Variants in DISP1 observed in about 807,000 individuals in gnomAD.
DISP1 encodes the protein protein dispatched homolog 1.
Under a neutral mutation model 37.3 loss-of-function variants are expected in DISP1, and 30 were observed. The observed-to-expected ratio is 0.80, with a 90% CI of 0.60 to 1.09. The LOEUF (loss-of-function observed/expected upper bound fraction) is 1.09. DISP1 is among the 50% of genes least tolerant of loss of function. The pLI is 0.00. For missense variants in DISP1, 1,598 were observed against 1,879.5 expected, an observed-to-expected ratio of 0.85 and a Z score of 2.77; for synonymous variants, 634 against 690.2, an observed-to-expected ratio of 0.92 and a Z score of 1.28.
intron 3 of DISP1, among the ~76,000 whole-genome samples, chr1:222,945,014 C>CA (rs5781292): frequency 1.2e-3 from 181 of 147,178 alleles, no homozygotes; most frequent in Admixed American, 2.7e-3. Context: ...TCTGTATCTA[C>CA]AAAAAAAAAA....
At chr1:222,957,570 C>A (rs552456630) in intron 3 of DISP1, among the ~76,000 whole-genome samples, 11 of 152,108 alleles carry the variant, frequency 7.2e-5, no homozygotes, top group Non-Finnish European at 1.6e-4. Context: ...GCCTGGGTGA[C>A]AGAATGAGAC....
At chr1:222,977,125 G>C (rs1290492281) in intron 3 of DISP1, among the ~76,000 whole-genome samples, 3 of 152,106 alleles carry the variant, frequency 2.0e-5, no homozygotes, top group Non-Finnish European at 4.4e-5. Flanking sequence ...CGCCTCCCAG[G>C]TTCAAGCGAT....
At chr1:222,879,892 G>T (rs1214328472) in intron 1 of DISP1, among the ~76,000 whole-genome samples, 2 of 152,022 alleles carry the variant, frequency 1.3e-5, no homozygotes, top group East Asian at 3.9e-4. Context: ...GTTGAAATGA[G>T]CATTCATACA....
rs1674497742 is a variant in DISP1 at position 222,943,007 on chromosome 1, G to A, written c.184G>A (p.Val62Ile). The A allele has an allele frequency of 6.2e-7, 1 of 1,614,186 alleles. No homozygotes were observed. The highest frequency in any genetic ancestry group is 8.5e-7 in the Non-Finnish European group (1 of 1,180,042). Residue 62 changes from valine (V) to isoleucine (I), a missense_variant, in exon 3 of 9, where the codon GTC becomes ATC. By Grantham distance (29) the Val-to-Ile change is conservative (BLOSUM62 3). Coordinates refer to ENST00000675850, the MANE Select transcript of DISP1 (RefSeq NM_001377229.1). ...TGGATGCCTGCAACTTAATGGCACG[G>A]TCAAATCATCCTTTCTGCCTTTAGA... The part of the protein sequence containing the change: ...PNGCLQLNGT[V>I]KSSFLPLDNQ...
At chr1:222,974,808 A>T (rs74556939) in intron 3 of DISP1, among the ~76,000 whole-genome samples, 3,656 of 152,262 alleles carry the variant, frequency 0.024, 134 homozygotes, top group African/African-American at 0.083. Flanking sequence ...TGTGCCAGTG[A>T]TGTTTCATGG....
At chr1:222,966,453 A>ATC (rs1178351661) in intron 3 of DISP1, among the ~76,000 whole-genome samples, 1 of 152,184 alleles carries the variant, frequency 6.6e-6, no homozygotes, top group Non-Finnish European at 1.5e-5. Context: ...AATCAATTAA[A>ATC]TCTCATCTAG....
At chr1:222,981,767 T>C (rs1035148529) in intron 3 of DISP1, among the ~76,000 whole-genome samples, 3 of 152,202 alleles carry the variant, frequency 2.0e-5, no homozygotes, top group African/African-American at 7.2e-5. Context: ...TTTTACATTT[T>C]GTTTTGTTTC....
At chr1:222,936,950 CATATT>C (rs1375379016) in intron 2 of DISP1, among the ~76,000 whole-genome samples, 1 of 47,884 alleles carries the variant, frequency 2.1e-5, no homozygotes, top group African/African-American at 6.8e-5. Flanking sequence ...TTATATATTA[CATATT>C]ATATTATTTA....
Position 223,004,625 on chromosome 1 carries a change from G to C in DISP1, c.3228G>C (p.Leu1076=), listed in dbSNP as rs147982989. The part of the protein sequence containing the change: ...PDREGKVIFS[L]SRVGSAMAMA... ...GAGAAGGCAAAGTGATCTTCTCTCT[G>C]AGTCGCGTGGGCTCTGCGATGGCCA... is the stretch of plus-strand genomic sequence containing the variant. Residue 1076 remains leucine (L), a synonymous_variant, in exon 9 of 9, where the codon CTG becomes CTC. Transcript: ENST00000675850. The surrounding 1 kb of genome is among the most constrained non-coding windows in gnomAD (Gnocchi z 4.9). The C allele has an allele frequency of 2.0e-4, 328 of 1,613,890 alleles. No individual in the cohort carries two copies. The highest frequency in any genetic ancestry group is 2.7e-4 in the Non-Finnish European group (313 of 1,179,920).
chr1:222,936,718 CAT>C lies in DISP1; in HGVS notation c.-17-6082_-17-6081del, dbSNP rs1491346797. Reference sequence around the variant, plus strand: ...GATATATATCATATATATTATATATCATATATATGATATATAAAAATTATATA... The same window carrying C: ...GATATATATCATATATATTATATATCATATATGATATATAAAAATTATATA... On this transcript the variant is annotated intron_variant, in intron 2 of 8. Coordinates refer to ENST00000675850, the MANE Select transcript of DISP1 (RefSeq NM_001377229.1). Among the ~76,000 whole-genome samples the C allele has an allele frequency of 1.9e-3, 181 of 94,742 alleles. 2 individuals are homozygous for C. Among genetic ancestry groups the C allele is most frequent in the African/African-American group, 7.5e-3 (173 of 23,066 alleles). 62.2% of individuals were successfully genotyped at this position (94,742 alleles called of 152,430 possible).
At chr1:222,848,874 G>A (rs1432940064) in intron 1 of DISP1, among the ~76,000 whole-genome samples, 1 of 152,156 alleles carries the variant, frequency 6.6e-6, no homozygotes, top group Non-Finnish European at 1.5e-5. Flanking sequence ...TAAATATGGG[G>A]ATGGGATGAG....
At chr1:222,827,381 C>A (rs1212027041) in intron 1 of DISP1, 1 of 152,114 alleles carries the variant, frequency 6.6e-6, no homozygotes, top group Admixed American at 6.6e-5. Context: ...CATGGATCAT[C>A]CATATGTGGG....
chr1:222,900,874 C>T (rs1273163344), intron 1 of DISP1, among the ~76,000 whole-genome samples: 2 of 152,072 alleles, frequency 1.3e-5, no homozygotes, highest in African/African-American at 4.8e-5. Flanking sequence ...TTCTAAGGAG[C>T]TGTAGGACTG....
At chr1:222,889,039 G>A (rs1301228816) in intron 1 of DISP1, among the ~76,000 whole-genome samples, 1 of 152,022 alleles carries the variant, frequency 6.6e-6, no homozygotes, top group East Asian at 1.9e-4. Flanking sequence ...TTTTTTGTGT[G>A]TTGGGAATGT....
chr1:222,958,996 A>G (rs928382598), intron 3 of DISP1, among the ~76,000 whole-genome samples: 6 of 152,084 alleles, frequency 3.9e-5, no homozygotes, highest in Admixed American at 3.9e-4. Flanking sequence ...TAATATTTAA[A>G]TTCTTTCTAA....
chr1:222,880,488 C>T (rs1478478302), intron 1 of DISP1, among the ~76,000 whole-genome samples: 3 of 152,034 alleles, frequency 2.0e-5, no homozygotes, highest in Non-Finnish European at 4.4e-5. Context: ...ACATTGAGAC[C>T]ACCTCTCAAA....
At chr1:222,869,032 A>C (rs1235902567) in intron 1 of DISP1, among the ~76,000 whole-genome samples, 1 of 152,156 alleles carries the variant, frequency 6.6e-6, no homozygotes, top group Admixed American at 6.6e-5. Context: ...TTAAGACTTA[A>C]ACCTTCCTTT....
intron 8 of DISP1, among the ~76,000 whole-genome samples, chr1:223,001,060 C>A (rs756933667): frequency 2.6e-5 from 4 of 152,114 alleles, no homozygotes; most frequent in Non-Finnish European, 5.9e-5. Context: ...ATTCTCACCT[C>A]AGAGAAGAGG....
chr1:222,893,329 C>T lies in DISP1; in HGVS notation c.-158-35101C>T, dbSNP rs1352429421. On this transcript the variant is annotated intron_variant, in intron 1 of 8. Transcript: ENST00000675850. The surrounding 1 kb of genome is among the most constrained non-coding windows in gnomAD (Gnocchi z 4.3). Reference sequence around the variant, plus strand: ...TCATGGGATCCTTGGGATGTTACTTCGCCAACTGGAAACCTCTGTAGCTGG... The same window carrying T: ...TCATGGGATCCTTGGGATGTTACTTTGCCAACTGGAAACCTCTGTAGCTGG... 6.6e-6 allele frequency among the ~76,000 whole-genome samples: 1 copy of T among 152,226 alleles called. No homozygotes were observed. Among genetic ancestry groups the T allele is most frequent in the Non-Finnish European group, 1.5e-5 (1 of 68,042 alleles).
Sources: allele counts gnomAD v4.1 joint callset (sites outside exome capture counted in the v4.1 genomes callset), GRCh38; gene constraint gnomAD v4.1.1; non-coding constraint Gnocchi (gnomAD v3.1); transcripts MANE v1.5; gene names NCBI Gene and HGNC (gene_info 2026-07-23, HGNC 2026-07-21).